The following CACNA1E variants were observed in gnomAD, a reference collection of about 807,000 sequenced individuals.
The protein encoded by CACNA1E is calcium voltage-gated channel subunit alpha1 E.
Under a neutral mutation model 259.2 loss-of-function variants are expected in CACNA1E, and 40 were observed. The observed-to-expected ratio is 0.15, with a 90% CI of 0.12 to 0.20. The LOEUF is 0.20. CACNA1E is among the 10% of genes least tolerant of loss of function. The pLI is 1.00. For synonymous variants in CACNA1E, 1,104 were observed against 1,138.5 expected (o/e 0.97, Z 0.61); for missense variants, 1,874 against 3,040.1 (o/e 0.62, Z 9.02).
Position 181,661,407 on chromosome 1 carries a change from G to A in CACNA1E, c.1055+9966G>A, listed in dbSNP as rs529850499. Among the ~76,000 whole-genome samples the A allele has an allele frequency of 1.8e-4, 27 of 152,320 alleles. No individual in the cohort carries two copies. The South Asian group carries it at 5.4e-3, about 30-fold the overall frequency. On this transcript the variant is annotated intron_variant, in intron 7 of 47. Coordinates refer to ENST00000367573, the MANE Select transcript of CACNA1E (RefSeq NM_001205293.3). ...CTCCAGGAGGTGTTGGGGGCCAGGT[G>A]TCGGATCTGCAGGACTCGGGACTGT...
intron 1 of CACNA1E, among the ~76,000 whole-genome samples, chr1:181,373,695 G>A (rs1426459443): frequency 6.6e-6 from 1 of 151,828 alleles, no homozygotes; most frequent in Non-Finnish European, 1.5e-5. Context: ...CTGCCACTAC[G>A]CCCGGCTAAC....
intron 2 of CACNA1E, among the ~76,000 whole-genome samples, chr1:181,421,460 G>A (rs940257462): frequency 6.6e-6 from 1 of 152,174 alleles, no homozygotes; most frequent in Non-Finnish European, 1.5e-5. Context: ...CATATCTGCA[G>A]ATGACTCTCA....
At position 181,755,971 on chromosome 1, in the gene CACNA1E, T is replaced by C. The variant is rs1387809620; in HGVS notation, c.4005T>C (p.Asp1335=). ...CTGGTTTTAGAGGCAACTATGTAGA[T>C]CATGAGAAAAACAAGATGGAGGTGA... ...TEKECIGNYV[D]HEKNKMEVKG... The change falls in exon 29 of 48, where the codon GAT becomes GAC. Residue 1335 remains aspartate, a synonymous_variant. Coordinates refer to ENST00000367573, the MANE Select transcript of CACNA1E (RefSeq NM_001205293.3). 3 of 1,613,826 alleles carry C rather than the reference T, an allele frequency of 1.9e-6. No individual in the cohort carries two copies. The highest frequency in any genetic ancestry group is 2.2e-5 in the East Asian group (1 of 44,858).
At chr1:181,418,459 G>T (rs1237246999) in intron 2 of CACNA1E, among the ~76,000 whole-genome samples, 1 of 152,078 alleles carries the variant, frequency 6.6e-6, no homozygotes, top group African/African-American at 2.4e-5. Flanking sequence ...TAGTGCTCTT[G>T]CCCAGTCCCA....
Position 181,580,570 on chromosome 1 carries a change from T to C in CACNA1E, c.770-25T>C, listed in dbSNP as rs757625836. ...CATGCGAAACACCATGTGATTTATC[T>C]CCTACCCTCCAAATGTGTCTGCAGG... On this transcript the variant is annotated intron_variant, in intron 5 of 47. Transcript: ENST00000367573. 3.7e-6 allele frequency: 6 copies of C among 1,610,152 alleles called. No homozygotes were observed. The African/African-American group carries it at 8.0e-5, about 22-fold the overall frequency.
rs529173673 is a variant in CACNA1E at position 181,363,043 on chromosome 1, T to G, written c.-15+44920T>G. ...CCCATATAGGCCCTCAAGGGCTCTG[T>G]GGACATAGTTCCCCCTGGGGGACCA... is the stretch of plus-strand genomic sequence containing the variant. On this transcript the variant is annotated intron_variant, in intron 1 of 11. Transcript: ENST00000524607. Among the ~76,000 whole-genome samples, 34 of 152,332 alleles carry G rather than the reference T, an allele frequency of 2.2e-4. 1 individual carries two copies. Among genetic ancestry groups the G allele is most frequent in the African/African-American group, 7.9e-4 (33 of 41,576 alleles).
At position 181,783,657 on chromosome 1, in the gene CACNA1E, TTC is replaced by T. The variant is rs748959448; in HGVS notation, c.5365-20_5365-19del. On this transcript the variant is annotated intron_variant, in intron 39 of 47. Transcript: ENST00000367573. ...AATTTTTTTTTTTTTTGCCTGCTGT[TTC>T]TTTTTTCTCTTTCACACAGAGGTTG... 3.4e-6 allele frequency: 5 copies of T among 1,450,634 alleles called. No individual in the cohort carries two copies. In the Admixed American group the frequency reaches 5.6e-5, roughly 16 times the overall value. 89.9% of individuals were successfully genotyped at this position (1,450,634 alleles called of 1,614,324 possible).
intron 1 of CACNA1E, among the ~76,000 whole-genome samples, chr1:181,409,887 T>C (rs1657724607): frequency 6.6e-6 from 1 of 152,206 alleles, no homozygotes. Context: ...TTGGCAAAGA[T>C]GTGATTCAAA....
chr1:181,572,972 A>C (rs925229599), intron 3 of CACNA1E, among the ~76,000 whole-genome samples: 2 of 152,124 alleles, frequency 1.3e-5, no homozygotes, highest in Non-Finnish European at 1.5e-5. Flanking sequence ...TTAGCAACAC[A>C]CTGGACTAAG....
At chr1:181,389,590 C>A (rs1380461699) in intron 1 of CACNA1E, among the ~76,000 whole-genome samples, 1 of 152,192 alleles carries the variant, frequency 6.6e-6, no homozygotes, top group Non-Finnish European at 1.5e-5. Context: ...GAGAATAGTG[C>A]CATAGCAGAA....
At chr1:181,744,490 A>C (rs1421868155) in intron 25 of CACNA1E, among the ~76,000 whole-genome samples, 1 of 152,164 alleles carries the variant, frequency 6.6e-6, no homozygotes, top group East Asian at 1.9e-4. Flanking sequence ...CACATGTAAG[A>C]AAGAGGTGGC....
Position 181,801,135 on chromosome 1 carries a change from C to A in CACNA1E, c.*2301C>A, listed in dbSNP as rs1468808627. 1 of 152,646 alleles carries A rather than the reference C, an allele frequency of 6.6e-6. No individual in the cohort carries two copies. The highest frequency in any genetic ancestry group is 1.5e-5 in the Non-Finnish European group (1 of 68,046). The allele number at this position is 152,646 out of a possible 1,614,324, so 9.5% of individuals were successfully genotyped here. A position where few individuals can be genotyped will look rare whatever the true frequency, so the allele number is the denominator to read the frequency against. On this transcript the variant is annotated 3_prime_UTR_variant, in exon 48 of 48. Transcript: ENST00000367573. Reference sequence around the variant, plus strand: ...GGGCTGCTTTGTGTGCACAAAATTGCTTTTTCCACCTCGGAAATGCAGCTT... The same window carrying A: ...GGGCTGCTTTGTGTGCACAAAATTGATTTTTCCACCTCGGAAATGCAGCTT...
chr1:181,483,441 T>A (rs1001914354), upstream of CACNA1E: 9 of 251,530 alleles, frequency 3.6e-5, no homozygotes, highest in Admixed American at 5.4e-5. Context: ...TTGAAAAAAA[T>A]ATTTTCCTCC....
chr1:181,503,900 G>A (rs1052333888), intron 1 of CACNA1E, among the ~76,000 whole-genome samples: 2 of 152,152 alleles, frequency 1.3e-5, no homozygotes, highest in African/African-American at 4.8e-5. Flanking sequence ...TGCATTCCAG[G>A]TCTTGAAGAA....
At chr1:181,506,363 C>T (rs1002878021) in intron 1 of CACNA1E, among the ~76,000 whole-genome samples, 1 of 152,140 alleles carries the variant, frequency 6.6e-6, no homozygotes, top group Non-Finnish European at 1.5e-5. Context: ...GGAGTGGTGC[C>T]TCGGAGGCAG....
intron 1 of CACNA1E, among the ~76,000 whole-genome samples, chr1:181,387,116 T>C (rs1261586388): frequency 6.6e-6 from 1 of 151,962 alleles, no homozygotes; most frequent in East Asian, 1.9e-4. Flanking sequence ...TGTCTGTCCT[T>C]GAGAAGCCAA....
chr1:181,649,024 T>G (rs1318583011), intron 6 of CACNA1E, among the ~76,000 whole-genome samples: 1 of 152,216 alleles, frequency 6.6e-6, no homozygotes, highest in Non-Finnish European at 1.5e-5. Context: ...AACACAGAGC[T>G]AGCTATACAA....
intron 40 of CACNA1E, 40 bp downstream of exon 40, chr1:181,783,824 C>T: frequency 7.7e-7 from 1 of 1,294,014 alleles, no homozygotes; most frequent in Non-Finnish European, 1.1e-6. Context: ...AGGAGGAATT[C>T]TGGAACAACT....
chr1:181,374,921 C>T (rs914433450), intron 1 of CACNA1E, among the ~76,000 whole-genome samples: 6 of 152,026 alleles, frequency 3.9e-5, no homozygotes, highest in East Asian at 1.9e-4. Flanking sequence ...CTGAGCCATA[C>T]GTATAATTTT....
Sources: allele counts gnomAD v4.1 joint callset (sites outside exome capture counted in the v4.1 genomes callset), GRCh38; gene constraint gnomAD v4.1.1; transcripts MANE v1.5; gene names NCBI Gene and HGNC (gene_info 2026-07-23, HGNC 2026-07-21).